PLAG1: variants seen among roughly 807,000 people sequenced by gnomAD.
PLAG1 encodes zinc finger protein PLAG1.
PLAG1 carries 7 observed loss-of-function variants against 35.5 expected under a neutral mutation model. The ratio of observed to expected loss-of-function variants is 0.20; its 90% CI spans 0.11 to 0.37. The LOEUF (loss-of-function observed/expected upper bound fraction) is 0.37. Ranked by LOEUF, PLAG1 falls within the 10% of genes least tolerant of loss-of-function variation. PLAG1 has a pLI of 1.00. For synonymous variants in PLAG1, 229 were observed against 225.4 expected (o/e 1.02, Z -0.14); for missense variants, 454 against 602.8 (o/e 0.75, Z 2.58).
At chr8:56,173,782 C>A (rs775334660) in intron 2 of PLAG1, among the ~76,000 whole-genome samples, 3 of 152,036 alleles carry the variant, frequency 2.0e-5, no homozygotes, top group African/African-American at 7.2e-5. Context: ...TTTTCCAGGG[C>A]AACTTTGCAT....
Position 56,161,428 on chromosome 8 carries a change from G to C in PLAG1, c.*4815C>G, listed in dbSNP as rs192540765. On this transcript the variant is annotated 3_prime_UTR_variant, in exon 5 of 5. Transcript: ENST00000316981. ...TTTCAGCAGTCCAGCTTATGTTCAG[G>C]TATGATGCAATCCGTTTCCTAATGG... 4.5e-6 allele frequency: 1 copy of C among 221,036 alleles called. No homozygotes were observed. Among genetic ancestry groups the C allele is most frequent in the South Asian group, 1.8e-4 (1 of 5,418 alleles). The allele number at this position is 221,036 out of a possible 1,614,324, so 13.7% of individuals were successfully genotyped here.
rs1447278416 is a variant in PLAG1, at chr8:56,166,084, GT to G, written c.*158del. The G allele has an allele frequency of 3.0e-5, 14 of 470,292 alleles. No homozygotes were observed. Among genetic ancestry groups the G allele is most frequent in the African/African-American group, 2.7e-4 (14 of 51,076 alleles). The allele number at this position is 470,292 out of a possible 1,614,324, so 29.1% of individuals were successfully genotyped here. ...TGAACACAAATGGTTCCAAAGCTCA[GT>G]TTAAAAGCTAGTTTCTATTTTATAC... On this transcript the variant is annotated 3_prime_UTR_variant, in exon 5 of 5. Coordinates refer to ENST00000316981, the MANE Select transcript of PLAG1 (RefSeq NM_002655.3).
rs1321265053 is a variant in PLAG1, at chr8:56,167,262, T to C, written c.484A>G (p.Thr162Ala). ...CKVCLQTFESTGVLLEHLKSH... is the reference protein window; with the variant it reads ...CKVCLQTFESAGVLLEHLKSH... ...TTAAGGTGCTCCAGAAGCACTCCCGTGCTTTCAAAAGTTTGCAAACATACC... is the reference window on the plus strand; with the variant it reads ...TTAAGGTGCTCCAGAAGCACTCCCGCGCTTTCAAAAGTTTGCAAACATACC... The change falls in exon 5 of 5, where the codon ACG (threonine) becomes GCG (alanine). Residue 162 changes from threonine to alanine, a missense_variant. Physicochemically the swap from Thr to Ala is moderately conservative, Grantham distance 58. Coordinates refer to ENST00000316981, the MANE Select transcript of PLAG1 (RefSeq NM_002655.3). This position sits in a 1 kb window ranked among gnomAD's most constrained non-coding sequence, Gnocchi z 5.9. The C allele has an allele frequency of 1.2e-6, 2 of 1,614,098 alleles. No homozygotes were observed. Among genetic ancestry groups the C allele is most frequent in the African/African-American group, 2.7e-5 (2 of 75,046 alleles).
At chr8:56,173,076 T>C (rs1397615951) in intron 2 of PLAG1, among the ~76,000 whole-genome samples, 1 of 152,130 alleles carries the variant, frequency 6.6e-6, no homozygotes, top group African/African-American at 2.4e-5. Flanking sequence ...ATAAATTTTA[T>C]TGCATTCTCA....
chr8:56,167,309 G>A lies in PLAG1; in HGVS notation c.437C>T (p.Thr146Ile). ...FKRHLALHAA[T>I]SGDLTCKVCL... ...TACCTTACAGGTGAGGTCACCACTTGTTGCGGCATGCAAGGCCAAGTGACG... is the reference window on the plus strand; with the variant it reads ...TACCTTACAGGTGAGGTCACCACTTATTGCGGCATGCAAGGCCAAGTGACG... Residue 146 changes from threonine to isoleucine, a missense_variant, in exon 5 of 5, where the codon ACA (threonine) becomes ATA (isoleucine). By Grantham distance (89) the Thr-to-Ile change is moderately conservative. Coordinates refer to ENST00000316981, the MANE Select transcript of PLAG1 (RefSeq NM_002655.3). This position sits in a 1 kb window ranked among gnomAD's most constrained non-coding sequence, Gnocchi z 5.9. The A allele has an allele frequency of 1.2e-6, 2 of 1,614,016 alleles. No homozygotes were observed. The highest frequency in any genetic ancestry group is 1.7e-6 in the Non-Finnish European group (2 of 1,179,978).
At chr8:56,204,406 C>T (rs1413147172) in intron 1 of PLAG1, among the ~76,000 whole-genome samples, 2 of 151,544 alleles carry the variant, frequency 1.3e-5, no homozygotes, top group African/African-American at 2.4e-5. Context: ...CTTAAGTTTC[C>T]AGGTTTAATT....
At chr8:56,179,023 CAA>C (rs1173709224) in intron 2 of PLAG1, among the ~76,000 whole-genome samples, 701 of 42,836 alleles carry the variant, frequency 0.016, no homozygotes, top group African/African-American at 0.056. Flanking sequence ...GCCCAGGAGA[CAA>C]AAAAAAAAAA....
intron 2 of PLAG1, among the ~76,000 whole-genome samples, chr8:56,172,078 G>A (rs1309647769): frequency 6.6e-6 from 1 of 152,170 alleles, no homozygotes; most frequent in Non-Finnish European, 1.5e-5. Context: ...CAGAAATCAT[G>A]ATTATAAAGG....
At chr8:56,187,436 A>G (rs183292160) in intron 1 of PLAG1, among the ~76,000 whole-genome samples, 88 of 152,318 alleles carry the variant, frequency 5.8e-4, no homozygotes, top group African/African-American at 1.8e-3. Context: ...TCTGACCTTC[A>G]CTATCTGTGT....
chr8:56,201,480 A>G (rs1812552277), intron 1 of PLAG1, among the ~76,000 whole-genome samples: 1 of 152,190 alleles, frequency 6.6e-6, no homozygotes, highest in Non-Finnish European at 1.5e-5. Flanking sequence ...CCTTATGTAC[A>G]GCTTAAAGAT....
In PLAG1 at chr8:56,209,714, C is replaced by G. The variant is rs150164575; in HGVS notation, c.-322+1407G>C. On this transcript the variant is annotated intron_variant, in intron 1 of 4. Transcript: ENST00000316981. ...TGTCAGGAAGGGGGAAACCAAGCAA[C>G]TCCACATCCCTCCCCAAAAGGTACT... Among the ~76,000 whole-genome samples, 83 of 152,238 alleles carry G rather than the reference C, an allele frequency of 5.5e-4. 1 individual carries two copies. In the Middle Eastern group the frequency reaches 0.017, roughly 31 times the overall value.
At chr8:56,186,302 G>C (rs1306441762) in intron 1 of PLAG1, among the ~76,000 whole-genome samples, 1 of 152,142 alleles carries the variant, frequency 6.6e-6, no homozygotes, top group African/African-American at 2.4e-5. Context: ...GTGTGCCTTT[G>C]TTGGTCTCCG....
Position 56,164,146 on chromosome 8 carries a change from A to T in PLAG1, c.*2097T>A. On this transcript the variant is annotated 3_prime_UTR_variant, in exon 5 of 5. Transcript: ENST00000316981. Reference sequence around the variant, plus strand: ...TTCCTTATTAACATATATAATTTTAATGCCTTTGGAACACACTTTTTTAAT... The same window carrying T: ...TTCCTTATTAACATATATAATTTTATTGCCTTTGGAACACACTTTTTTAAT... 1 of 187,910 alleles carries T rather than the reference A, an allele frequency of 5.3e-6. No homozygotes were observed. The highest frequency in any genetic ancestry group is 1.1e-5 in the Non-Finnish European group (1 of 88,740). The allele number at this position is 187,910 out of a possible 1,614,324, so 11.6% of individuals were successfully genotyped here.
intron 2 of PLAG1, among the ~76,000 whole-genome samples, chr8:56,171,579 C>T (rs992346320): frequency 8.5e-5 from 13 of 152,120 alleles, no homozygotes; most frequent in South Asian, 2.1e-4. Flanking sequence ...AGGCCCCTTT[C>T]GGAGGGTACA....
chr8:56,174,576 A>C (rs1811633192), intron 2 of PLAG1, among the ~76,000 whole-genome samples: 1 of 152,214 alleles, frequency 6.6e-6, no homozygotes, highest in Non-Finnish European at 1.5e-5. Context: ...TTTCCCATAA[A>C]AGGCAGTTAA....
chr8:56,178,426 A>T (rs1418422094), intron 2 of PLAG1, among the ~76,000 whole-genome samples: 1 of 152,232 alleles, frequency 6.6e-6, no homozygotes, highest in Non-Finnish European at 1.5e-5. Context: ...TTTATAGCAT[A>T]TAGATAGCTA....
chr8:56,166,510 G>T lies in PLAG1; in HGVS notation c.1236C>A (p.Asn412Lys). 1 of 1,614,062 alleles carries T rather than the reference G, an allele frequency of 6.2e-7. No homozygotes were observed. The highest frequency in any genetic ancestry group is 8.5e-7 in the Non-Finnish European group (1 of 1,179,934). Residue 412 changes from asparagine (N) to lysine (K), a missense_variant, in exon 5 of 5, where the codon AAC becomes AAA. Coordinates refer to ENST00000316981, the MANE Select transcript of PLAG1 (RefSeq NM_002655.3). ...KSSISISDPL[N>K]TPALDFSQLF... ...ACTGAGAAAAATCCAATGCTGGTGT[G>T]TTTAGGGGGTCACTGATGGAGATAG...
In PLAG1 at chr8:56,167,401, G is replaced by T. The variant is rs990018985; in HGVS notation, c.345C>A (p.Asp115Glu). ...DHLKNHLHTH[D>E]PNKETFKCEE... ...CGCACTTAAACGTCTCTTTGTTAGG[G>T]TCGTGTGTATGGAGGTGATTCTTCA... Residue 115 changes from aspartate to glutamate, a missense_variant, in exon 5 of 5, where the codon GAC becomes GAA. Asp to Glu is a conservative substitution (Grantham distance 45). Transcript: ENST00000316981. This position sits in a 1 kb window ranked among gnomAD's most constrained non-coding sequence, Gnocchi z 5.9. 6.2e-7 allele frequency: 1 copy of T among 1,613,702 alleles called. No homozygotes were observed. Among genetic ancestry groups the T allele is most frequent in the Non-Finnish European group, 8.5e-7 (1 of 1,179,726 alleles).
chr8:56,184,692 G>A (rs1016238550), intron 1 of PLAG1, among the ~76,000 whole-genome samples: 2 of 152,182 alleles, frequency 1.3e-5, no homozygotes, highest in Non-Finnish European at 2.9e-5. Flanking sequence ...CAAGGTGAAT[G>A]GATCATTTGA....
Sources: gnomAD v4.1 joint callset for allele counts (sites outside exome capture counted in the v4.1 genomes callset) on GRCh38, gnomAD v4.1.1 for gene constraint, Gnocchi (gnomAD v3.1) non-coding constraint, MANE v1.5 for transcripts, NCBI Gene and HGNC (gene_info 2026-07-23, HGNC 2026-07-21) for gene names.